Variants in PCDHGA6 observed in about 807,000 individuals in gnomAD.
PCDHGA6 encodes the protein protocadherin gamma subfamily A, 6, also known as protocadherin gamma-A6.
Under a neutral mutation model 60.6 loss-of-function variants are expected in PCDHGA6, and 41 were observed. The ratio of observed to expected loss-of-function variants is 0.68; its 90% CI spans 0.53 to 0.88. PCDHGA6 has a LOEUF of 0.88. Ranked by LOEUF, PCDHGA6 falls within the 40% of genes least tolerant of loss-of-function variation. The pLI is 0.00. For missense variants in PCDHGA6, 1,312 were observed against 1,203.0 expected (o/e 1.09, Z -1.34); for synonymous variants, 594 against 524.4 (o/e 1.13, Z -1.81).
chr5:141,415,206 G>A, intron 1 of PCDHGA6: 4 of 1,614,054 alleles, frequency 2.5e-6, no homozygotes, highest in African/African-American at 1.3e-5. Flanking sequence ...AAGTCCTGGC[G>A]GACCTCGGCA....
intron 1 of PCDHGA6, chr5:141,478,272 A>G: frequency 6.2e-7 from 1 of 1,614,160 alleles, no homozygotes; most frequent in Non-Finnish European, 8.5e-7. Context: ...AAAGTTTACA[A>G]GTGGAAGCAG....
chr5:141,476,062 A>G lies in PCDHGA6; in HGVS notation c.2425-18745A>G, dbSNP rs2099384587. On this transcript the variant is annotated intron_variant, in intron 1 of 3. Coordinates refer to ENST00000517434, the MANE Select transcript of PCDHGA6 (RefSeq NM_018919.3). This position sits in a 1 kb window ranked among gnomAD's most constrained non-coding sequence, Gnocchi z 7.6. ...AGCGCTAACCCGCTGAAAGTTTCTC[A>G]GCGAAATCTCAGGGACGATCTGGAC... The G allele has an allele frequency of 1.8e-5, 27 of 1,509,766 alleles. No individual in the cohort carries two copies. Among genetic ancestry groups the G allele is most frequent in the Non-Finnish European group, 2.3e-5 (26 of 1,136,920 alleles). The allele number at this position is 1,509,766 out of a possible 1,614,324, so 93.5% of individuals were successfully genotyped here.
At chr5:141,483,988 G>A (rs78891657) in intron 1 of PCDHGA6, among the ~76,000 whole-genome samples, 1,520 of 149,036 alleles carry the variant, frequency 0.01, 30 homozygotes, top group African/African-American at 0.037. Flanking sequence ...TAGCTAGGTT[G>A]CTGGGAGGTC....
chr5:141,476,264 G>T lies in PCDHGA6; in HGVS notation c.2425-18543G>T, dbSNP rs753184649. On this transcript the variant is annotated intron_variant, in intron 1 of 3. Coordinates refer to ENST00000517434, the MANE Select transcript of PCDHGA6 (RefSeq NM_018919.3). This position sits in a 1 kb window ranked among gnomAD's most constrained non-coding sequence, Gnocchi z 7.6. ...AGAGAAGGGTTTCGCTGTGGGCAAC[G>T]TGGTCGCGAACCTTGGTTTGGATCT... The T allele has an allele frequency of 5.0e-6, 8 of 1,613,964 alleles. No individual in the cohort carries two copies. In the African/African-American group the frequency reaches 8.0e-5, roughly 16 times the overall value.
Position 141,399,399 on chromosome 5 carries a change from C to T in PCDHGA6, c.2424+22892C>T, listed in dbSNP as rs1282174658. 1.9e-6 allele frequency: 3 copies of T among 1,613,902 alleles called. No individual in the cohort carries two copies. The Admixed American group carries it at 5.0e-5, about 27-fold the overall frequency. The stretch of plus-strand genomic sequence containing the variant: ...TCACCATCACAGCCACAGACAGGGG[C>T]AAGCCGCCCCTCTCCTCCAGCATAA... On this transcript the variant is annotated intron_variant, in intron 1 of 3. Transcript: ENST00000517434.
rs780380650 is a variant in PCDHGA6 at position 141,432,715 on chromosome 5, C to G, written c.2424+56208C>G. 2.5e-6 allele frequency: 4 copies of G among 1,613,996 alleles called. No homozygotes were observed. Among genetic ancestry groups the G allele is most frequent in the Non-Finnish European group, 3.4e-6 (4 of 1,179,970 alleles). On this transcript the variant is annotated intron_variant, in intron 1 of 3. Transcript: ENST00000517434. The surrounding 1 kb of genome is among the most constrained non-coding windows in gnomAD (Gnocchi z 6.0). ...TGGCCGTCCAGGACCACGGCCAGCC[C>G]CCTCTCTCCGCCACTGTCACGCTCA... is the stretch of plus-strand genomic sequence containing the variant.
intron 1 of PCDHGA6, chr5:141,423,754 G>C: frequency 1.7e-6 from 1 of 577,836 alleles, no homozygotes. Flanking sequence ...ACTGTTTGGG[G>C]GGGGGGTGGG....
chr5:141,486,163 G>A lies in PCDHGA6; in HGVS notation c.2425-8644G>A. 2.5e-6 allele frequency: 4 copies of A among 1,614,212 alleles called. No individual in the cohort carries two copies. Among genetic ancestry groups the A allele is most frequent in the Non-Finnish European group, 3.4e-6 (4 of 1,180,034 alleles). The stretch of plus-strand genomic sequence containing the variant: ...CTCGCGATGGGGGTTCTCCAGCCAT[G>A]GAGCAACATTGCAGCCTTCGAGTGG... On this transcript the variant is annotated intron_variant, in intron 1 of 3. Transcript: ENST00000517434. This position sits in a 1 kb window ranked among gnomAD's most constrained non-coding sequence, Gnocchi z 5.0.
intron 1 of PCDHGA6, chr5:141,384,456 C>A (rs145938509): frequency 6.2e-7 from 1 of 1,614,054 alleles, no homozygotes; most frequent in East Asian, 2.2e-5. Flanking sequence ...CGCTGCAATC[C>A]TTTGATTATG....
In PCDHGA6 at chr5:141,432,212, G is replaced by T. The variant is rs2097468822; in HGVS notation, c.2424+55705G>T. 8 of 1,614,184 alleles carry T rather than the reference G, an allele frequency of 5.0e-6. No homozygotes were observed. In the East Asian group the frequency reaches 1.3e-4, roughly 27 times the overall value. ...CCACGACCCCGACTGTGAAGAGAAC[G>T]CCCAGATCACTTATTCCCTGGCTGA... On this transcript the variant is annotated intron_variant, in intron 1 of 3. Transcript: ENST00000517434. The surrounding 1 kb of genome is among the most constrained non-coding windows in gnomAD (Gnocchi z 6.0).
At position 141,374,696 on chromosome 5, in the gene PCDHGA6, G is replaced by T. The variant is rs747520978; in HGVS notation, c.613G>T (p.Glu205Ter). The change falls in exon 1 of 4, where the codon GAA becomes TAA. Residue 205 changes from glutamate to a stop codon, truncating the protein, a stop_gained. Transcript: ENST00000517434. LOFTEE classifies it high-confidence loss of function. ...GGAGGGCACACTGGACCGGGAAGGA[G>T]AAGCCGTTTACCGCCTGGTCCTTAC... ...VLEGTLDREG[E>*]AVYRLVLTAM... 1 of 1,609,314 alleles carries T rather than the reference G, an allele frequency of 6.2e-7. No individual in the cohort carries two copies. The highest frequency in any genetic ancestry group is 1.1e-5 in the South Asian group (1 of 90,570).
rs2092610841 is a variant in PCDHGA6 at position 141,392,842 on chromosome 5, G to C, written c.2424+16335G>C. 6.2e-7 allele frequency: 1 copy of C among 1,609,194 alleles called. No homozygotes were observed. The highest frequency in any genetic ancestry group is 8.5e-7 in the Non-Finnish European group (1 of 1,177,812). On this transcript the variant is annotated intron_variant, in intron 1 of 3. Transcript: ENST00000517434. ...GCCGCTCCACAGAGTCGCCCCAGACGCGGCGAGCTGATCCTGCTGTGCGCG... is the reference window on the plus strand; with the variant it reads ...GCCGCTCCACAGAGTCGCCCCAGACCCGGCGAGCTGATCCTGCTGTGCGCG...
At position 141,432,816 on chromosome 5, in the gene PCDHGA6, C is replaced by A. The variant is rs778545682; in HGVS notation, c.2424+56309C>A. Reference sequence around the variant, plus strand: ...CTCGAGTCTCCAGCTAACTCTGAAACCTCAGACCTCACTCTGTACCTGGTG... The same window carrying A: ...CTCGAGTCTCCAGCTAACTCTGAAAACTCAGACCTCACTCTGTACCTGGTG... On this transcript the variant is annotated intron_variant, in intron 1 of 3. Transcript: ENST00000517434. The surrounding 1 kb of genome is among the most constrained non-coding windows in gnomAD (Gnocchi z 6.0). The A allele has an allele frequency of 7.6e-5, 122 of 1,614,044 alleles. No individual in the cohort carries two copies. The highest frequency in any genetic ancestry group is 3.3e-5 in the Admixed American group (2 of 60,012).
At chr5:141,460,993 A>T (rs1230217075) in intron 1 of PCDHGA6, among the ~76,000 whole-genome samples, 1 of 143,898 alleles carries the variant, frequency 6.9e-6, no homozygotes, top group South Asian at 2.2e-4. Flanking sequence ...GTATATATAT[A>T]TATGTGTATA....
At chr5:141,433,215 T>A (rs755571112) in intron 1 of PCDHGA6, 1 of 1,568,720 alleles carries the variant, frequency 6.4e-7, no homozygotes, top group South Asian at 1.2e-5. Flanking sequence ...TTTCTTTTTT[T>A]TTTTTAATTG....
intron 1 of PCDHGA6, among the ~76,000 whole-genome samples, chr5:141,482,179 G>A (rs1398839482): frequency 6.6e-6 from 1 of 152,040 alleles, no homozygotes; most frequent in Non-Finnish European, 1.5e-5. Flanking sequence ...AAGGCTTTAC[G>A]ATGCTCCAGT....
rs1036344847 is a variant in PCDHGA6 at position 141,424,050 on chromosome 5, C to G, written c.2424+47543C>G. 9.9e-6 allele frequency: 10 copies of G among 1,014,084 alleles called. No homozygotes were observed. The African/African-American group carries it at 1.6e-4, about 16-fold the overall frequency. The allele number at this position is 1,014,084 out of a possible 1,614,324, so 62.8% of individuals were successfully genotyped here. A position where few individuals can be genotyped will look rare whatever the true frequency, so the allele number is the denominator to read the frequency against. ...ACTTTTTATTTCCATTTCAATTTTG[C>G]TGTGCCTTCACTGATTTGTAGTTAT... On this transcript the variant is annotated intron_variant, in intron 1 of 3. Coordinates refer to ENST00000517434, the MANE Select transcript of PCDHGA6 (RefSeq NM_018919.3).
chr5:141,381,555 T>C (rs992456160), intron 1 of PCDHGA6, among the ~76,000 whole-genome samples: 2 of 152,192 alleles, frequency 1.3e-5, no homozygotes, highest in African/African-American at 4.8e-5. Flanking sequence ...TTGAATTGAA[T>C]TGCATAATGA....
chr5:141,392,704 G>A, intron 1 of PCDHGA6: 1 of 1,281,856 alleles, frequency 7.8e-7, no homozygotes, highest in East Asian at 2.6e-5. Flanking sequence ...CCTGTTTGGA[G>A]GCACTCCAGG....
Sources: gnomAD v4.1 joint callset for allele counts (sites outside exome capture counted in the v4.1 genomes callset) on GRCh38, gnomAD v4.1.1 for gene constraint, Gnocchi (gnomAD v3.1) non-coding constraint, MANE v1.5 for transcripts, NCBI Gene and HGNC (gene_info 2026-07-23, HGNC 2026-07-21) for gene names.